GPR107: variants seen among roughly 807,000 people sequenced by gnomAD.
GPR107 encodes the protein protein GPR107.
In GPR107, 31 loss-of-function variants were observed where a neutral mutation model predicts 75.5. The observed-to-expected ratio is 0.41, with a 90% CI of 0.31 to 0.55. The LOEUF is 0.55. Ranked by LOEUF, GPR107 falls within the 20% of genes least tolerant of loss-of-function variation. The probability of loss-of-function intolerance (pLI) is 0.26; values close to 1 mark genes in which losing one functional copy is unlikely to be tolerated. For missense variants in GPR107, 572 were observed against 665.7 expected, an observed-to-expected ratio of 0.86 and a Z score of 1.55; for synonymous variants, 267 against 251.3, an observed-to-expected ratio of 1.06 and a Z score of -0.59.
At chr9:130,084,930 A>C (rs1830581308) in intron 6 of GPR107, among the ~76,000 whole-genome samples, 1 of 152,190 alleles carries the variant, frequency 6.6e-6, no homozygotes, top group Admixed American at 6.6e-5. Flanking sequence ...TGTTCAGGGA[A>C]GAGAAAGACA....
At chr9:130,083,692 A>G in intron 6 of GPR107, 90 bp downstream of exon 6, 5 of 683,040 alleles carry the variant, frequency 7.3e-6, no homozygotes, top group Admixed American at 6.3e-5. Context: ...GTATTGATAT[A>G]TATACATACA....
rs1239878088 is a variant in GPR107 at position 130,100,672 on chromosome 9, G to C, written c.983G>C (p.Gly328Ala). 1 of 1,613,166 alleles carries C rather than the reference G, an allele frequency of 6.2e-7. No individual in the cohort carries two copies. Among genetic ancestry groups the C allele is most frequent in the Non-Finnish European group, 8.5e-7 (1 of 1,179,060 alleles). The change falls in exon 11 of 18, where the codon GGC becomes GCC. Residue 328 changes from glycine (G) to alanine (A), a missense_variant. By Grantham distance (60) the Gly-to-Ala change is moderately conservative. Transcript: ENST00000347136. ...TCCTCCCAGGGCTTCCCTATCGAAG[G>C]CTGGGCTGTTGTGTACTACATAACT... ...YISSQGFPIE[G>A]WAVVYYITHL...
intron 1 of GPR107, among the ~76,000 whole-genome samples, chr9:130,066,507 T>G (rs184451220): frequency 1.3e-5 from 2 of 152,156 alleles, no homozygotes; most frequent in Non-Finnish European, 2.9e-5. Context: ...CCTCCAAAAC[T>G]ATGATCAGTA....
chr9:130,060,286 C>T (rs1564656666), intron 1 of GPR107, among the ~76,000 whole-genome samples: 1 of 152,018 alleles, frequency 6.6e-6, no homozygotes, highest in Non-Finnish European at 1.5e-5. Flanking sequence ...TGGTCTCAAA[C>T]TCCTGACCTC....
chr9:130,084,444 T>C (rs1000232935), intron 6 of GPR107, among the ~76,000 whole-genome samples: 3 of 146,590 alleles, frequency 2.0e-5, no homozygotes, highest in African/African-American at 8.0e-5. Context: ...GTCTCCTATT[T>C]TGGGGGAGAG....
At chr9:130,068,356 T>G (rs1404615904) in intron 1 of GPR107, among the ~76,000 whole-genome samples, 2 of 151,970 alleles carry the variant, frequency 1.3e-5, no homozygotes, top group African/African-American at 4.8e-5. Flanking sequence ...TTTTTTTTTC[T>G]TCTCTTTTTT....
rs145241473 is a variant in GPR107, at chr9:130,081,308, C to T, written c.526+1539C>T. On this transcript the variant is annotated intron_variant, in intron 5 of 17. Coordinates refer to ENST00000347136, the MANE Select transcript of GPR107 (RefSeq NM_020960.5). ...ATCCCAGCACTTTGAGAGGCCAAGGCGGGCAGATTACTTGAGGTCAGGAGT... is the reference window on the plus strand; with the variant it reads ...ATCCCAGCACTTTGAGAGGCCAAGGTGGGCAGATTACTTGAGGTCAGGAGT... Among the ~76,000 whole-genome samples, 1,346 of 152,218 alleles carry T rather than the reference C, an allele frequency of 8.8e-3. 12 individuals carry two copies. Among genetic ancestry groups the T allele is most frequent in the Non-Finnish European group, 0.014 (979 of 68,002 alleles).
intron 5 of GPR107, among the ~76,000 whole-genome samples, chr9:130,083,035 G>A (rs1479230408): frequency 6.6e-6 from 1 of 151,524 alleles, no homozygotes; most frequent in Non-Finnish European, 1.5e-5. Flanking sequence ...ATTCTCCTGT[G>A]TCAGCCTCCC....
intron 7 of GPR107, among the ~76,000 whole-genome samples, chr9:130,087,531 TGG>T (rs1217164083): frequency 6.6e-6 from 1 of 151,902 alleles, no homozygotes; most frequent in East Asian, 1.9e-4. Flanking sequence ...CCAGGCATGG[TGG>T]TAGATGCTTA....
At chr9:130,084,702 G>GGAGGCT (rs1465928119) in intron 6 of GPR107, among the ~76,000 whole-genome samples, 1 of 151,990 alleles carries the variant, frequency 6.6e-6, no homozygotes, top group East Asian at 1.9e-4. Context: ...CCTGAGCCTG[G>GGAGGCT]GAGGCTAAGG....
At chr9:130,110,484 T>C in intron 14 of GPR107, 1 of 840,442 alleles carries the variant, frequency 1.2e-6, no homozygotes. Flanking sequence ...GAAGCACCCA[T>C]TTCTCATCAG....
chr9:130,125,831 C>T (rs978607580), intron 15 of GPR107, among the ~76,000 whole-genome samples: 11 of 151,900 alleles, frequency 7.2e-5, no homozygotes, highest in African/African-American at 1.5e-4. Context: ...GGGCAGATCA[C>T]GAGGTCAGGA....
At chr9:130,122,438 A>C (rs1412537480) in intron 14 of GPR107, among the ~76,000 whole-genome samples, 3 of 152,142 alleles carry the variant, frequency 2.0e-5, no homozygotes, top group Admixed American at 2.0e-4. Flanking sequence ...CGAAGGTTAA[A>C]ATCCCTGGGA....
intron 5 of GPR107, among the ~76,000 whole-genome samples, chr9:130,081,147 T>C (rs540051589): frequency 3.9e-5 from 6 of 151,986 alleles, no homozygotes; most frequent in African/African-American, 1.2e-4. Flanking sequence ...GTGACTGGTC[T>C]AGGCCACATT....
intron 9 of GPR107, among the ~76,000 whole-genome samples, chr9:130,094,861 A>G (rs942465955): frequency 6.6e-6 from 1 of 151,948 alleles, no homozygotes; most frequent in Non-Finnish European, 1.5e-5. Flanking sequence ...TTGCATTTTT[A>G]GTAGAGACTG....
In GPR107 at chr9:130,136,823, T is replaced by A. The variant is rs1351139177; in HGVS notation, c.*1702T>A. The A allele has an allele frequency of 6.6e-6, 1 of 152,208 alleles. No homozygotes were observed. The highest frequency in any genetic ancestry group is 1.5e-5 in the Non-Finnish European group (1 of 68,038). The allele number at this position is 152,208 out of a possible 1,614,324, so 9.4% of individuals were successfully genotyped here. A position where few individuals can be genotyped will look rare whatever the true frequency, so the allele number is the denominator to read the frequency against. ...CTGATGTGGAGGAAGAGCAAGCGCCTTCCCAGGCCACAGCTGCTCACCTCT... is the reference window on the plus strand; with the variant it reads ...CTGATGTGGAGGAAGAGCAAGCGCCATCCCAGGCCACAGCTGCTCACCTCT... On this transcript the variant is annotated 3_prime_UTR_variant, in exon 18 of 18. Transcript: ENST00000347136.
intron 7 of GPR107, among the ~76,000 whole-genome samples, chr9:130,087,805 CAAAAAAA>C (rs35984705): frequency 3.4e-5 from 3 of 87,634 alleles, no homozygotes; most frequent in East Asian, 3.6e-4. Flanking sequence ...GACCCTGTCT[CAAAAAAA>C]AAAAAAAAAA....
At chr9:130,094,305 G>A (rs932988234) in intron 9 of GPR107, among the ~76,000 whole-genome samples, 3 of 152,240 alleles carry the variant, frequency 2.0e-5, no homozygotes, top group African/African-American at 2.4e-5. Context: ...TTAGCTGGGC[G>A]TGGTGGCAGG....
At chr9:130,060,322 C>T (rs950670381) in intron 1 of GPR107, among the ~76,000 whole-genome samples, 5 of 151,882 alleles carry the variant, frequency 3.3e-5, no homozygotes, top group Admixed American at 1.3e-4. Flanking sequence ...TTTGGCCTCC[C>T]GAAGTGCTGG....
Sources: gnomAD v4.1 joint callset for allele counts (sites outside exome capture counted in the v4.1 genomes callset) on GRCh38, gnomAD v4.1.1 for gene constraint, MANE v1.5 for transcripts, NCBI Gene and HGNC (gene_info 2026-07-23, HGNC 2026-07-21) for gene names.